Variants in C4orf50 observed in about 807,000 individuals in gnomAD.
C4orf50 encodes the protein uncharacterized protein C4orf50.
In C4orf50, 80 loss-of-function variants were observed where a neutral mutation model predicts 77.2. The observed-to-expected ratio is 1.04, with a 90% confidence interval of 0.87 to 1.25. C4orf50 has a LOEUF of 1.25. Among genes scored for constraint, C4orf50 ranks in the 50% most tolerant of loss-of-function variants. C4orf50 has a pLI of 0.00. For missense variants in C4orf50, 1,257 were observed against 1,152.9 expected (o/e 1.09, Z -1.31); for synonymous variants, 532 against 465.3 (o/e 1.14, Z -1.84).
At chr4:6,014,251 C>T (rs528944097) in intron 23 of C4orf50, among the ~76,000 whole-genome samples, 3 of 152,158 alleles carry the variant, frequency 2.0e-5, no homozygotes, top group Non-Finnish European at 2.9e-5. Flanking sequence ...ATCAGCCCGC[C>T]TGGGCCTCCC....
In C4orf50 at chr4:5,919,853, G is replaced by A. The variant is rs1717186984; in HGVS notation, c.*2475-21665C>T. ...TGAAATAGGGGTTTCTTCGGGCACA[G>A]GTGGCCCTCCCTATCCATGGGTTCC... On this transcript the variant is annotated intron_variant, in intron 7 of 7. Coordinates refer to the C4orf50 transcript ENST00000324058. This position sits in a 1 kb window ranked among gnomAD's most constrained non-coding sequence, Gnocchi z 6.5. Among the ~76,000 whole-genome samples the A allele has an allele frequency of 1.3e-5, 2 of 152,308 alleles. No homozygotes were observed. The highest frequency in any genetic ancestry group is 4.1e-4 in the South Asian group (2 of 4,824).
intron 7 of C4orf50, among the ~76,000 whole-genome samples, chr4:5,951,154 C>T (rs912126924): frequency 6.6e-6 from 1 of 152,254 alleles, no homozygotes; most frequent in Admixed American, 6.5e-5. Context: ...TTCTGTCTCA[C>T]TGCTCCCAAA....
chr4:5,956,384 C>A (rs1298877452), downstream of C4orf50, among the ~76,000 whole-genome samples: 1 of 152,238 alleles, frequency 6.6e-6, no homozygotes, highest in African/African-American at 2.4e-5. Context: ...CTCCACGGCC[C>A]CTGGGCCTTG....
At chr4:6,014,293 G>A (rs1722602430) in intron 23 of C4orf50, among the ~76,000 whole-genome samples, 1 of 152,070 alleles carries the variant, frequency 6.6e-6, no homozygotes, top group South Asian at 2.1e-4. Flanking sequence ...CGAGCAACCG[G>A]GCCGGCCTAG....
chr4:5,967,608 T>C (rs576659433), intron 31 of C4orf50, 146 bp from the exon 10 acceptor site: 12 of 689,880 alleles, frequency 1.7e-5, no homozygotes, highest in African/African-American at 1.2e-4. Context: ...CCTGTGTGCA[T>C]GAAGACCTCC....
intron 31 of C4orf50, among the ~76,000 whole-genome samples, chr4:5,967,913 G>A (rs13124429): frequency 0.53 from 80,910 of 151,734 alleles, 22,983 homozygotes; most frequent in Non-Finnish European, 0.64. Context: ...CGCATTGCAC[G>A]GGGCAGGTGA....
intron 7 of C4orf50, among the ~76,000 whole-genome samples, chr4:5,926,215 C>T: frequency 6.6e-6 from 1 of 152,160 alleles, no homozygotes; most frequent in Non-Finnish European, 1.5e-5. Context: ...AATGGATAAC[C>T]TAAATATGGC....
chr4:5,910,522 G>A (rs1328461510), intron 7 of C4orf50, among the ~76,000 whole-genome samples: 1 of 152,168 alleles, frequency 6.6e-6, no homozygotes, highest in African/African-American at 2.4e-5. Context: ...TAACATACTA[G>A]TTATTCCTAA....
At chr4:6,001,957 G>A (rs1441860553) in intron 25 of C4orf50, among the ~76,000 whole-genome samples, 1 of 152,230 alleles carries the variant, frequency 6.6e-6, no homozygotes, top group African/African-American at 2.4e-5. Flanking sequence ...GAGGCTCCTG[G>A]GGTCAGGGAA....
chr4:5,980,421 C>T, intron 28 of C4orf50, 83 bp from the exon 7 acceptor site: 1 of 1,275,988 alleles, frequency 7.8e-7, no homozygotes, highest in Non-Finnish European at 1.1e-6. Context: ...ACCCGTTTCC[C>T]CACTCCGTAG....
chr4:5,968,807 G>C (rs58208902), intron 31 of C4orf50, among the ~76,000 whole-genome samples: 4,614 of 152,254 alleles, frequency 0.03, 212 homozygotes, highest in African/African-American at 0.1. Context: ...GCGAGACTGG[G>C]GTTTTGTTCG....
At chr4:5,973,553 G>C in intron 31 of C4orf50, 106 bp downstream of exon 9, 1 of 938,772 alleles carries the variant, frequency 1.1e-6, no homozygotes, top group Non-Finnish European at 1.6e-6. Context: ...GTCCGCGGTG[G>C]GAGGGAGGGA....
chr4:5,976,656 A>C (rs1292286656), intron 29 of C4orf50, among the ~76,000 whole-genome samples: 5 of 152,012 alleles, frequency 3.3e-5, no homozygotes, highest in Admixed American at 2.0e-4. Flanking sequence ...TGTGCAAGAC[A>C]CTCTCTGCCT....
At chr4:5,980,332 C>T (rs1269391198) in exon 29 of C4orf50, 3 of 1,609,582 alleles carry the variant, frequency 1.9e-6, no homozygotes, top group Non-Finnish European at 2.5e-6. Flanking sequence ...GCCTCTGAGT[C>T]CCGGAGCTGC....
intron 25 of C4orf50, among the ~76,000 whole-genome samples, chr4:5,994,855 G>A (rs1394815261): frequency 3.3e-5 from 5 of 152,148 alleles, no homozygotes; most frequent in African/African-American, 9.7e-5. Context: ...AGCAGCAGGC[G>A]AGCAGGCATT....
intron 7 of C4orf50, among the ~76,000 whole-genome samples, chr4:5,929,332 A>G (rs966506118): frequency 6.6e-6 from 1 of 152,226 alleles, no homozygotes; most frequent in Non-Finnish European, 1.5e-5. Context: ...CCATATCTGC[A>G]TCGGTTTGAA....
chr4:5,975,123 GA>G, intron 30 of C4orf50, among the ~76,000 whole-genome samples: 1 of 64,672 alleles, frequency 1.5e-5, no homozygotes, highest in African/African-American at 5.8e-5. Flanking sequence ...CTGGGCGACA[GA>G]GTGACACTCC....
exon 28 of C4orf50, chr4:5,989,168 C>T (rs553787371): frequency 1.7e-4 from 259 of 1,535,724 alleles, no homozygotes; most frequent in African/African-American, 5.9e-4. Flanking sequence ...CTTTCAAGGG[C>T]GCACACTCTT....
Position 5,994,925 on chromosome 4 carries a change from G to A in C4orf50, c.964-449C>T, listed in dbSNP as rs570193628. ...CGGCATTTGATTCTCATAGAAGCGT[G>A]AACCCTATTGTGAACTGCGTAAGCG... On this transcript the variant is annotated intron_variant, in intron 25 of 33. Transcript: ENST00000531445. Among the ~76,000 whole-genome samples the A allele has an allele frequency of 5.3e-5, 8 of 152,316 alleles. No individual in the cohort carries two copies. In the South Asian group the frequency reaches 1.7e-3, roughly 32 times the overall value.
Sources: allele counts gnomAD v4.1 joint callset (sites outside exome capture counted in the v4.1 genomes callset), GRCh38; gene constraint gnomAD v4.1.1; non-coding constraint Gnocchi (gnomAD v3.1); transcripts MANE v1.5; gene names NCBI Gene and HGNC (gene_info 2026-07-23, HGNC 2026-07-21).